ABCC5: variants seen among roughly 807,000 people sequenced by gnomAD.
ABCC5 encodes ATP binding cassette subfamily C member 5.
Under a neutral mutation model 160.9 loss-of-function variants are expected in ABCC5, and 61 were observed. That is an observed-to-expected ratio of 0.38 (90% CI 0.31 to 0.47). ABCC5 has a LOEUF of 0.47. ABCC5 is among the 20% of genes least tolerant of loss of function. ABCC5 has a pLI of 0.99. For missense variants in ABCC5, 1,308 were observed against 1,813.3 expected, an observed-to-expected ratio of 0.72 and a Z score of 5.06; for synonymous variants, 666 against 700.6, an observed-to-expected ratio of 0.95 and a Z score of 0.78.
chr3:184,011,294 T>C (rs947965604), intron 2 of ABCC5: 2 of 152,124 alleles, frequency 1.3e-5, no homozygotes, highest in Admixed American at 1.3e-4. Flanking sequence ...TCAAGACTAA[T>C]CTAAGATAAA....
chr3:183,955,034 G>A (rs1715736815), intron 17 of ABCC5, among the ~76,000 whole-genome samples: 1 of 152,082 alleles, frequency 6.6e-6, no homozygotes, highest in African/African-American at 2.4e-5. Flanking sequence ...AGTGGTGGGG[G>A]AGTGGTGGGG....
intron 17 of ABCC5, among the ~76,000 whole-genome samples, chr3:183,956,529 CA>C (rs1715999254): frequency 3.6e-5 from 5 of 139,152 alleles, no homozygotes; most frequent in East Asian, 5.3e-4. Flanking sequence ...CGGTTACATG[CA>C]GATCAGTGTG....
intron 8 of ABCC5, 73 bp downstream of exon 8, chr3:183,981,654 A>C (rs988712517): frequency 6.6e-7 from 1 of 1,522,162 alleles, no homozygotes; most frequent in South Asian, 1.2e-5. Context: ...CAGAAAGCAA[A>C]GTGTGTGAAT....
At position 183,988,784 on chromosome 3, in the gene ABCC5, G is replaced by C; in HGVS notation, c.288-57C>G. 6.5e-7 allele frequency: 1 copy of C among 1,547,664 alleles called. No individual in the cohort carries two copies. The highest frequency in any genetic ancestry group is 8.8e-7 in the Non-Finnish European group (1 of 1,139,112). ...TCAACACGCACGGAGAGGGCAGCCCGTGTTTAATGGACACTGTTTAGTGAA... is the reference window on the plus strand; with the variant it reads ...TCAACACGCACGGAGAGGGCAGCCCCTGTTTAATGGACACTGTTTAGTGAA... On this transcript the variant is annotated intron_variant, in intron 3 of 29. Coordinates refer to ENST00000334444, the MANE Select transcript of ABCC5 (RefSeq NM_005688.4). This position sits in a 1 kb window ranked among gnomAD's most constrained non-coding sequence, Gnocchi z 4.4.
In ABCC5 at chr3:183,987,526, G is replaced by A. The variant is rs573797050; in HGVS notation, c.591+244C>T. ...GAGAAGCACAGTCCTGTGCAGAACT[G>A]GAGTCAGTTCCATTTCACCCCCACC... On this transcript the variant is annotated intron_variant, in intron 5 of 29. Transcript: ENST00000334444. The surrounding 1 kb of genome is among the most constrained non-coding windows in gnomAD (Gnocchi z 4.2). 17 of 624,112 alleles carry A rather than the reference G, an allele frequency of 2.7e-5. No homozygotes were observed. The highest frequency in any genetic ancestry group is 7.3e-5 in the African/African-American group (4 of 54,542). The allele number at this position is 624,112 out of a possible 1,614,324, so 38.7% of individuals were successfully genotyped here.
At chr3:183,977,099 A>G (rs1021375506) in intron 10 of ABCC5, among the ~76,000 whole-genome samples, 1 of 152,226 alleles carries the variant, frequency 6.6e-6, no homozygotes, top group Non-Finnish European at 1.5e-5. Flanking sequence ...GGAAAAAGAA[A>G]GTATCAAAAA....
intron 2 of ABCC5, among the ~76,000 whole-genome samples, chr3:183,999,998 A>C (rs77784964): frequency 0.063 from 9,601 of 152,182 alleles, 322 homozygotes; most frequent in Middle Eastern, 0.092. Context: ...AGAGAGGTTC[A>C]AACATGAAAA....
At chr3:183,965,972 A>C (rs929627527) in intron 12 of ABCC5, among the ~76,000 whole-genome samples, 2 of 152,176 alleles carry the variant, frequency 1.3e-5, no homozygotes, top group African/African-American at 2.4e-5. Flanking sequence ...GACATCACCT[A>C]GTATTTATAA....
chr3:183,921,193 T>C lies in ABCC5; in HGVS notation c.*107A>G. The C allele has an allele frequency of 1.6e-6, 1 of 618,118 alleles. No homozygotes were observed. Among genetic ancestry groups the C allele is most frequent in the South Asian group, 2.3e-5 (1 of 44,246 alleles). The allele number at this position is 618,118 out of a possible 1,614,324, so 38.3% of individuals were successfully genotyped here. A position where few individuals can be genotyped will look rare whatever the true frequency, so the allele number is the denominator to read the frequency against. On this transcript the variant is annotated 3_prime_UTR_variant, in exon 30 of 30. Coordinates refer to ENST00000334444, the MANE Select transcript of ABCC5 (RefSeq NM_005688.4). The surrounding 1 kb of genome is among the most constrained non-coding windows in gnomAD (Gnocchi z 4.1). ...CAATCCGGAACTGCTGTGCGAAAGA[T>C]AAAATCGAGAAAGGCAAGGTTTCGG...
chr3:184,009,903 C>T, intron 2 of ABCC5: 1 of 402,114 alleles, frequency 2.5e-6, no homozygotes, highest in Non-Finnish European at 5.1e-6. Flanking sequence ...AATCCCAGCA[C>T]TTTGGGAGGC....
chr3:183,981,566 A>G (rs1409753123), intron 8 of ABCC5, among the ~76,000 whole-genome samples, 161 bp downstream of exon 8: 2 of 152,332 alleles, frequency 1.3e-5, no homozygotes, highest in East Asian at 3.9e-4. Context: ...TCAAACCTCT[A>G]AGATCCCTTT....
chr3:183,983,866 A>T, intron 5 of ABCC5: 1 of 985,510 alleles, frequency 1.0e-6, no homozygotes, highest in Non-Finnish European at 1.2e-6. Flanking sequence ...ACATTGAAAC[A>T]TACAGAGTCG....
intron 29 of ABCC5, among the ~76,000 whole-genome samples, chr3:183,923,194 C>A (rs1157365261): frequency 3.3e-5 from 5 of 150,502 alleles, no homozygotes; most frequent in Non-Finnish European, 5.9e-5. Flanking sequence ...CCTGAAATTA[C>A]AAGGAAATTT....
At chr3:183,927,269 A>G in intron 28 of ABCC5, 61 bp downstream of exon 28, 1 of 1,536,838 alleles carries the variant, frequency 6.5e-7, no homozygotes, top group Admixed American at 1.8e-5. Context: ...CCAGTGTGTC[A>G]GGGCAAGGCT....
At position 184,014,455 on chromosome 3, in the gene ABCC5, T is replaced by G; in HGVS notation, c.-55-8A>C. 1 of 1,514,594 alleles carries G rather than the reference T, an allele frequency of 6.6e-7. No individual in the cohort carries two copies. Among genetic ancestry groups the G allele is most frequent in the Non-Finnish European group, 8.8e-7 (1 of 1,130,792 alleles). The allele number at this position is 1,514,594 out of a possible 1,614,324, so 93.8% of individuals were successfully genotyped here. On this transcript the variant is annotated splice_polypyrimidine_tract_variant and splice_region_variant and intron_variant, in intron 1 of 29. Transcript: ENST00000334444. ...AGTTTCACATCAGAATTCCTGAAAT[T>G]AAAAATTCATCAAGAAATAGATTAT... is the stretch of plus-strand genomic sequence containing the variant.
At chr3:183,959,934 C>T in intron 16 of ABCC5, 99 bp from the exon 17 acceptor site, 1 of 802,752 alleles carries the variant, frequency 1.2e-6, no homozygotes, top group Admixed American at 2.8e-5. Flanking sequence ...ACTGCTATTA[C>T]TGAAAAAAGA....
intron 26 of ABCC5, among the ~76,000 whole-genome samples, chr3:183,929,968 G>T (rs975096193): frequency 6.6e-6 from 1 of 152,148 alleles, no homozygotes; most frequent in Non-Finnish European, 1.5e-5. Context: ...CACTGAGGAT[G>T]AGGGTGGAGA....
chr3:183,970,289 C>T (rs1717617598), intron 11 of ABCC5, among the ~76,000 whole-genome samples: 1 of 152,154 alleles, frequency 6.6e-6, no homozygotes, highest in Non-Finnish European at 1.5e-5. Context: ...AATGTTCTTC[C>T]CCACCCATCC....
chr3:183,956,440 G>T (rs1436544417), intron 17 of ABCC5, among the ~76,000 whole-genome samples: 2 of 150,430 alleles, frequency 1.3e-5, no homozygotes, highest in East Asian at 3.9e-4. Context: ...ATGCAGATCC[G>T]TGTGTAAATC....
Sources: gnomAD v4.1 joint callset for allele counts (sites outside exome capture counted in the v4.1 genomes callset) on GRCh38, gnomAD v4.1.1 for gene constraint, Gnocchi (gnomAD v3.1) non-coding constraint, MANE v1.5 for transcripts, NCBI Gene and HGNC (gene_info 2026-07-23, HGNC 2026-07-21) for gene names.